Variants in UBE2T observed in about 807,000 individuals in gnomAD.
The protein encoded by UBE2T is ubiquitin-conjugating enzyme E2 T.
In UBE2T, 15 loss-of-function variants were observed where a neutral mutation model predicts 23.3. That is an observed-to-expected ratio of 0.64 (90% CI 0.43 to 0.99). UBE2T has a LOEUF of 0.99. Ranked by LOEUF, UBE2T falls within the 50% of genes least tolerant of loss-of-function variation. The probability of loss-of-function intolerance (pLI) is 0.00; values close to 1 mark genes in which losing one functional copy is unlikely to be tolerated. For missense variants in UBE2T, 197 were observed against 234.9 expected (o/e 0.84, Z 1.05); for synonymous variants, 67 against 78.4 (o/e 0.85, Z 0.77).
Position 202,335,890 on chromosome 1 carries a change from A to G in UBE2T, c.-64-72T>C, listed in dbSNP as rs1049529465. 2.4e-5 allele frequency: 17 copies of G among 711,594 alleles called. No homozygotes were observed. The African/African-American group carries it at 2.5e-4, about 10-fold the overall frequency. The allele number at this position is 711,594 out of a possible 1,614,324, so 44.1% of individuals were successfully genotyped here. On this transcript the variant is annotated intron_variant, in intron 1 of 6. Coordinates refer to ENST00000646651, the MANE Select transcript of UBE2T (RefSeq NM_014176.4). This position sits in a 1 kb window ranked among gnomAD's most constrained non-coding sequence, Gnocchi z 4.0. ...ATGAAGTTTTCAGCAAACAGCTTCAATGTAGTGAGGGTGGGGGACAGAGTC... is the reference window on the plus strand; with the variant it reads ...ATGAAGTTTTCAGCAAACAGCTTCAGTGTAGTGAGGGTGGGGGACAGAGTC...
intron 6 of UBE2T, among the ~76,000 whole-genome samples, chr1:202,332,209 G>A (rs1267336437): frequency 6.6e-6 from 1 of 152,168 alleles, no homozygotes; most frequent in Non-Finnish European, 1.5e-5. Flanking sequence ...GAACTATGAT[G>A]TGCTACTTTC....
chr1:202,333,019 C>G lies in UBE2T; in HGVS notation c.459G>C (p.Gln153His). Residue 153 changes from glutamine to histidine, a missense_variant, in exon 6 of 7, where the codon CAG (glutamine) becomes CAC (histidine). By Grantham distance (24) the Gln-to-His change is conservative (BLOSUM62 0). Transcript: ENST00000646651. ...GTAGCAAACATTATACCTTTTGTTT[C>G]TGTCTTGCATGCTTCTCTGTCCACT... is the stretch of plus-strand genomic sequence containing the variant. Reference protein sequence around the residue: ...ARQWTEKHARQKQKADEEEML... With the variant: ...ARQWTEKHARHKQKADEEEML... 6.4e-7 allele frequency: 1 copy of G among 1,572,744 alleles called. No individual in the cohort carries two copies. The highest frequency in any genetic ancestry group is 8.7e-7 in the Non-Finnish European group (1 of 1,155,836).
At chr1:202,333,425 A>C (rs1654811570) in intron 4 of UBE2T, 25 bp downstream of exon 4, 2 of 1,613,480 alleles carry the variant, frequency 1.2e-6, no homozygotes, top group Non-Finnish European at 1.7e-6. Flanking sequence ...AATGCTGTAG[A>C]GTCAACCATT....
intron 1 of UBE2T, among the ~76,000 whole-genome samples, chr1:202,341,053 C>A (rs1443858493): frequency 6.6e-6 from 1 of 152,200 alleles, no homozygotes; most frequent in Non-Finnish European, 1.5e-5. Context: ...TTAAAGGTTA[C>A]ATATTAAATC....
intron 1 of UBE2T, among the ~76,000 whole-genome samples, chr1:202,340,707 G>C (rs1186089773): frequency 6.6e-6 from 1 of 152,180 alleles, no homozygotes; most frequent in Non-Finnish European, 1.5e-5. Flanking sequence ...ACAGAGGGTT[G>C]ACTGTACAGT....
intron 6 of UBE2T, among the ~76,000 whole-genome samples, chr1:202,332,665 T>C (rs976134429): frequency 1.3e-5 from 2 of 151,990 alleles, no homozygotes; most frequent in Admixed American, 6.5e-5. Flanking sequence ...TCCCAGCACT[T>C]TGGGAGGCCG....
chr1:202,332,317 T>G (rs1474394825), intron 6 of UBE2T, among the ~76,000 whole-genome samples: 1 of 152,186 alleles, frequency 6.6e-6, no homozygotes, highest in African/African-American at 2.4e-5. Context: ...TAAGAAAAGT[T>G]TCCCCCATCT....
intron 6 of UBE2T, 108 bp downstream of exon 6, chr1:202,332,902 C>T (rs1236577134): frequency 1.4e-5 from 6 of 431,242 alleles, no homozygotes; most frequent in Middle Eastern, 1.1e-3. Flanking sequence ...AGCGAGACTC[C>T]GTCTCAAAAA....
intron 1 of UBE2T, among the ~76,000 whole-genome samples, chr1:202,338,883 C>CAA (rs1175610097): frequency 8.9e-6 from 1 of 112,742 alleles, no homozygotes; most frequent in Non-Finnish European, 1.9e-5. Flanking sequence ...AAACAACAGC[C>CAA]AAAAAAAAAA....
Position 202,333,001 on chromosome 1 carries a change from A to G in UBE2T, c.468+9T>C, listed in dbSNP as rs1162537324. The G allele has an allele frequency of 6.2e-7, 1 of 1,602,006 alleles. No individual in the cohort carries two copies. The highest frequency in any genetic ancestry group is 1.7e-5 in the Admixed American group (1 of 59,686). On this transcript the variant is annotated intron_variant, in intron 6 of 6. Transcript: ENST00000646651. Reference sequence around the variant, plus strand: ...CTTAATTAACTGACAATAGTAGCAAACATTATACCTTTTGTTTCTGTCTTG... The same window carrying G: ...CTTAATTAACTGACAATAGTAGCAAGCATTATACCTTTTGTTTCTGTCTTG...
intron 1 of UBE2T, among the ~76,000 whole-genome samples, chr1:202,338,506 C>T (rs1282077023): frequency 6.6e-6 from 1 of 152,178 alleles, no homozygotes; most frequent in Non-Finnish European, 1.5e-5. Context: ...CAGGCATGAG[C>T]CACCTCGCCC....
At chr1:202,337,655 A>G (rs1301499961) in intron 1 of UBE2T, among the ~76,000 whole-genome samples, 1 of 152,182 alleles carries the variant, frequency 6.6e-6, no homozygotes, top group Non-Finnish European at 1.5e-5. Context: ...AATTTGTTCC[A>G]CTGGTCAAGT....
chr1:202,340,775 T>C (rs1341697772), intron 1 of UBE2T, among the ~76,000 whole-genome samples: 1 of 152,102 alleles, frequency 6.6e-6, no homozygotes, highest in African/African-American at 2.4e-5. Flanking sequence ...TGGAAAGCCA[T>C]GGTAAAAGGA....
intron 1 of UBE2T, among the ~76,000 whole-genome samples, chr1:202,339,077 CTTTTTTTTTTT>C (rs35528865): frequency 1.1e-4 from 12 of 107,848 alleles, no homozygotes; most frequent in African/African-American, 3.8e-4. Flanking sequence ...GTATTGCCTC[CTTTTTTTTTTT>C]TTTTTTTTTT....
At chr1:202,339,028 C>T (rs1021049869) in intron 1 of UBE2T, among the ~76,000 whole-genome samples, 2 of 150,524 alleles carry the variant, frequency 1.3e-5, no homozygotes, top group African/African-American at 4.9e-5. Context: ...TCTTTATTAG[C>T]TATCAAGGTT....
rs2148340597 is a variant in UBE2T, at chr1:202,335,471, AGC to A, written c.109+173_109+174del. 1 of 628,124 alleles carries A rather than the reference AGC, an allele frequency of 1.6e-6. No individual in the cohort carries two copies. The highest frequency in any genetic ancestry group is 2.8e-5 in the East Asian group (1 of 36,162). The allele number at this position is 628,124 out of a possible 1,614,324, so 38.9% of individuals were successfully genotyped here. The stretch of plus-strand genomic sequence containing the variant: ...ATAAGGTATAATAAAAAGTCAAAGA[AGC>A]AAGAAATGTCAAGCAAACCTTTTAT... On this transcript the variant is annotated intron_variant, in intron 2 of 6. Transcript: ENST00000646651. This position sits in a 1 kb window ranked among gnomAD's most constrained non-coding sequence, Gnocchi z 4.0.
intron 1 of UBE2T, among the ~76,000 whole-genome samples, chr1:202,339,111 G>A (rs1654944833): frequency 7.6e-6 from 1 of 131,182 alleles, no homozygotes; most frequent in South Asian, 2.3e-4. Flanking sequence ...AACATATTGT[G>A]GATTAGTCCA....
Position 202,341,577 on chromosome 1 carries a change from CAAAAAAAAAAAAAAAAAAA to C in UBE2T, c.-65+299_-65+317del, listed in dbSNP as rs57598991. On this transcript the variant is annotated intron_variant, in intron 1 of 6. Coordinates refer to ENST00000646651, the MANE Select transcript of UBE2T (RefSeq NM_014176.4). ...TGGGCGACAGAGCGAGACTCCGTCTCAAAAAAAAAAAAAAAAAAAAAAAAAAAAAGAACAGCCAGTGCAC... is the reference window on the plus strand; with the variant it reads ...TGGGCGACAGAGCGAGACTCCGTCTCAAAAAAAAAAGAACAGCCAGTGCAC... Among the ~76,000 whole-genome samples, 3 of 20,310 alleles carry C rather than the reference CAAAAAAAAAAAAAAAAAAA, an allele frequency of 1.5e-4. No homozygotes were observed. In the Admixed American group the frequency reaches 2.4e-3, roughly 16 times the overall value. The allele number at this position is 20,310 out of a possible 152,430, so 13.3% of individuals were successfully genotyped here. A position where few individuals can be genotyped will look rare whatever the true frequency, so the allele number is the denominator to read the frequency against.
chr1:202,334,920 T>C (rs1346482052), intron 3 of UBE2T, 69 bp downstream of exon 3: 8 of 1,443,474 alleles, frequency 5.5e-6, no homozygotes, highest in Non-Finnish European at 7.7e-6. Context: ...CTCTATCTAC[T>C]ACATTGCTCT....
Sources: allele counts gnomAD v4.1 joint callset (sites outside exome capture counted in the v4.1 genomes callset), GRCh38; gene constraint gnomAD v4.1.1; non-coding constraint Gnocchi (gnomAD v3.1); transcripts MANE v1.5; gene names NCBI Gene and HGNC (gene_info 2026-07-23, HGNC 2026-07-21).